Variants in CHRM3 observed in about 807,000 individuals in gnomAD.
CHRM3 encodes cholinergic receptor muscarinic 3.
Under a neutral mutation model 41.8 loss-of-function variants are expected in CHRM3, and 11 were observed. The ratio of observed to expected loss-of-function variants is 0.26; its 90% CI spans 0.17 to 0.44. CHRM3 has a LOEUF of 0.44. Ranked by LOEUF, CHRM3 falls within the 20% of genes least tolerant of loss-of-function variation. The pLI is 1.00. For missense variants in CHRM3, 571 were observed against 745.4 expected, an observed-to-expected ratio of 0.77 and a Z score of 2.72; for synonymous variants, 297 against 301.4, an observed-to-expected ratio of 0.99 and a Z score of 0.15.
At chr1:239,453,466 ACATC>A (rs1664706278) in intron 1 of CHRM3, among the ~76,000 whole-genome samples, 1 of 152,200 alleles carries the variant, frequency 6.6e-6, no homozygotes, top group Non-Finnish European at 1.5e-5. Flanking sequence ...GTCTATGAAA[ACATC>A]TATGCTGTCA....
chr1:239,768,413 G>T (rs193208858), intron 5 of CHRM3, among the ~76,000 whole-genome samples: 12 of 152,180 alleles, frequency 7.9e-5, no homozygotes, highest in African/African-American at 2.9e-4. Flanking sequence ...TACTGGAGTT[G>T]GGAAGGGATG....
At chr1:239,884,677 C>T (rs932919845) in intron 6 of CHRM3, among the ~76,000 whole-genome samples, 1 of 152,156 alleles carries the variant, frequency 6.6e-6, no homozygotes. Context: ...CCACAGACAT[C>T]TTGAAATTTC....
chr1:239,548,103 C>T (rs775067408), intron 3 of CHRM3, among the ~76,000 whole-genome samples: 12 of 152,014 alleles, frequency 7.9e-5, no homozygotes, highest in South Asian at 2.1e-4. Context: ...ATCAGACGTA[C>T]GCTTGTTTTT....
chr1:239,820,994 T>C (rs4463655), intron 5 of CHRM3, among the ~76,000 whole-genome samples: 100,908 of 152,044 alleles, frequency 0.66, 34,230 homozygotes, highest in East Asian at 0.86. Context: ...ATCTTTCTCT[T>C]ACACTGACAA....
chr1:239,853,507 C>G (rs1354723019), intron 6 of CHRM3, among the ~76,000 whole-genome samples: 1 of 151,756 alleles, frequency 6.6e-6, no homozygotes, highest in Non-Finnish European at 1.5e-5. Context: ...TTTTCTTATA[C>G]ATTTAATAAA....
intron 2 of CHRM3, among the ~76,000 whole-genome samples, chr1:239,512,375 A>C (rs1404369065): frequency 6.6e-6 from 1 of 152,104 alleles, no homozygotes; most frequent in Non-Finnish European, 1.5e-5. Context: ...GTGAATGCCT[A>C]GTTTATTTAA....
At position 239,632,915 on chromosome 1, in the gene CHRM3, CGGGAAGG is replaced by C. The variant is rs1322392527; in HGVS notation, c.-250+630_-250+636del. Among the ~76,000 whole-genome samples, 4 of 152,264 alleles carry C rather than the reference CGGGAAGG, an allele frequency of 2.6e-5. No individual in the cohort carries two copies. The East Asian group carries it at 7.7e-4, about 29-fold the overall frequency. On this transcript the variant is annotated intron_variant, in intron 4 of 6. Transcript: ENST00000676153. Reference sequence around the variant, plus strand: ...TAATTGTCTCACAGTTCTACATGGCCGGGAAGGCCTCAGGAAACTTATAATCATGACA... The same window carrying C: ...TAATTGTCTCACAGTTCTACATGGCCCCTCAGGAAACTTATAATCATGACA...
chr1:239,505,208 A>G (rs758515215), intron 2 of CHRM3, among the ~76,000 whole-genome samples: 2 of 152,056 alleles, frequency 1.3e-5, no homozygotes, highest in Non-Finnish European at 2.9e-5. Flanking sequence ...ACTGAGTGGA[A>G]TTAAGGTGTA....
At chr1:239,461,034 T>C (rs976435244) in intron 1 of CHRM3, among the ~76,000 whole-genome samples, 1 of 152,000 alleles carries the variant, frequency 6.6e-6, no homozygotes, top group African/African-American at 2.4e-5. Context: ...TCAAGAAAAA[T>C]ACAACAAAGC....
At chr1:239,525,602 AAAAT>A (rs1669941689) in intron 2 of CHRM3, among the ~76,000 whole-genome samples, 1 of 152,316 alleles carries the variant, frequency 6.6e-6, no homozygotes, top group Admixed American at 6.5e-5. Context: ...TTCTTTAGAG[AAAAT>A]AAATGAATGA....
At chr1:239,675,743 G>T (rs900946651) in intron 4 of CHRM3, among the ~76,000 whole-genome samples, 3 of 152,152 alleles carry the variant, frequency 2.0e-5, no homozygotes, top group South Asian at 4.1e-4. Context: ...CTTTCATGAG[G>T]GTGAGGCAGT....
chr1:239,693,029 A>G (rs1274224792), intron 5 of CHRM3, among the ~76,000 whole-genome samples: 1 of 152,160 alleles, frequency 6.6e-6, no homozygotes, highest in Non-Finnish European at 1.5e-5. Flanking sequence ...GGAGTAAGAA[A>G]CCAGATCACG....
intron 2 of CHRM3, among the ~76,000 whole-genome samples, chr1:239,514,225 G>A (rs1383352008): frequency 6.6e-6 from 1 of 152,056 alleles, no homozygotes; most frequent in Admixed American, 6.5e-5. Flanking sequence ...AAGTTGAGAA[G>A]AACTGACATC....
At chr1:239,398,558 A>G (rs1465760299) in intron 1 of CHRM3, among the ~76,000 whole-genome samples, 1 of 152,144 alleles carries the variant, frequency 6.6e-6, no homozygotes, top group Non-Finnish European at 1.5e-5. Context: ...ATATTTCTAC[A>G]TCTTCTATCA....
At chr1:239,587,169 G>T (rs763276590) in intron 3 of CHRM3, among the ~76,000 whole-genome samples, 2 of 152,146 alleles carry the variant, frequency 1.3e-5, no homozygotes, top group Non-Finnish European at 2.9e-5. Flanking sequence ...TGGCAAGCAG[G>T]CCCCTGGCCT....
At chr1:239,819,981 A>G (rs948739382) in intron 5 of CHRM3, among the ~76,000 whole-genome samples, 2 of 152,116 alleles carry the variant, frequency 1.3e-5, no homozygotes, top group African/African-American at 4.8e-5. Context: ...ACCTGTGCTC[A>G]CTGGGCAGTG....
intron 5 of CHRM3, among the ~76,000 whole-genome samples, chr1:239,816,339 C>CTT (rs1464368209): frequency 6.6e-6 from 1 of 152,142 alleles, no homozygotes; most frequent in East Asian, 1.9e-4. Flanking sequence ...GGTGTTGCTC[C>CTT]TTTTTTTGTT....
intron 5 of CHRM3, among the ~76,000 whole-genome samples, chr1:239,759,168 T>C (rs1300886036): frequency 7.3e-6 from 1 of 136,716 alleles, no homozygotes; most frequent in Non-Finnish European, 1.5e-5. Flanking sequence ...TTTTTTTTTT[T>C]GTTTTTTTTT....
chr1:239,875,558 A>G (rs1347837036), intron 6 of CHRM3, among the ~76,000 whole-genome samples: 13 of 152,370 alleles, frequency 8.5e-5, no homozygotes, highest in East Asian at 7.7e-4. Context: ...AAAATAAGGC[A>G]TAGCCAGATT....
Sources: allele counts gnomAD v4.1 joint callset (sites outside exome capture counted in the v4.1 genomes callset), GRCh38; gene constraint gnomAD v4.1.1; transcripts MANE v1.5; gene names NCBI Gene and HGNC (gene_info 2026-07-23, HGNC 2026-07-21).